The following SLC44A1 variants were observed in gnomAD, a reference collection of about 807,000 sequenced individuals.
SLC44A1 encodes the protein choline transporter-like protein 1.
In SLC44A1, 26 loss-of-function variants were observed where a neutral mutation model predicts 79.3. The observed-to-expected ratio is 0.33, with a 90% confidence interval of 0.24 to 0.46. The LOEUF is 0.46. Ranked by LOEUF, SLC44A1 falls within the 20% of genes least tolerant of loss-of-function variation. The pLI, the probability that SLC44A1 is intolerant of heterozygous loss-of-function variation, is 1.00. For missense variants in SLC44A1, 688 were observed against 798.1 expected (o/e 0.86, Z 1.66); for synonymous variants, 263 against 286.2 (o/e 0.92, Z 0.82).
Position 105,395,083 on chromosome 9 carries a change from T to A in SLC44A1, c.*6027T>A. On this transcript the variant is annotated 3_prime_UTR_variant, in exon 16 of 16. Transcript: ENST00000374720. ...AATTTGATCCCAGTGGCTCATGACTTATAGTCAGGCATCAAACCATTTCCT... is the reference window on the plus strand; with the variant it reads ...AATTTGATCCCAGTGGCTCATGACTAATAGTCAGGCATCAAACCATTTCCT... 1.0e-6 allele frequency: 1 copy of A among 985,442 alleles called. No individual in the cohort carries two copies. The highest frequency in any genetic ancestry group is 4.7e-5 in the South Asian group (1 of 21,290). 61.0% of individuals were successfully genotyped at this position (985,442 alleles called of 1,614,324 possible). A position where few individuals can be genotyped will look rare whatever the true frequency, so the allele number is the denominator to read the frequency against.
chr9:105,276,431 G>A (rs1172041264), intron 1 of SLC44A1, among the ~76,000 whole-genome samples: 1 of 152,072 alleles, frequency 6.6e-6, no homozygotes, highest in Admixed American at 6.5e-5. Flanking sequence ...ATGTACTGGG[G>A]ATACAGCAAA....
At chr9:105,300,045 AAC>A (rs1830836450) in intron 2 of SLC44A1, 1 of 529,062 alleles carries the variant, frequency 1.9e-6, no homozygotes, top group African/African-American at 2.1e-5. Flanking sequence ...GGCTGGAAAA[AAC>A]ATAGAAAACT....
intron 2 of SLC44A1, among the ~76,000 whole-genome samples, chr9:105,305,225 C>T (rs894329107): frequency 6.6e-6 from 1 of 151,754 alleles, no homozygotes; most frequent in East Asian, 1.9e-4. Context: ...CCACCTCAGC[C>T]TCCCAAAGTG....
In SLC44A1 at chr9:105,404,206, G is replaced by A. The variant is rs1375635872; in HGVS notation, c.1950+18704G>A. Reference sequence around the variant, plus strand: ...GCTAAGATTGTGCCACTGCACTCCAGCCTGGGTGACAGAGCAGGACTCATC... The same window carrying A: ...GCTAAGATTGTGCCACTGCACTCCAACCTGGGTGACAGAGCAGGACTCATC... On this transcript the variant is annotated intron_variant, in intron 15 of 15. Transcript: ENST00000374724. Among the ~76,000 whole-genome samples, 3 of 141,312 alleles carry A rather than the reference G, an allele frequency of 2.1e-5. No individual in the cohort carries two copies. In the East Asian group the frequency reaches 6.2e-4, roughly 29 times the overall value. The allele number at this position is 141,312 out of a possible 152,430, so 92.7% of individuals were successfully genotyped here. A position where few individuals can be genotyped will look rare whatever the true frequency, so the allele number is the denominator to read the frequency against.
At chr9:105,397,459 A>G, downstream of SLC44A1, 5 of 594,482 alleles carry the variant, frequency 8.4e-6, no homozygotes, top group Non-Finnish European at 1.1e-5. Flanking sequence ...GGTGCCCCAG[A>G]ATTTCCCAGC....
intron 1 of SLC44A1, among the ~76,000 whole-genome samples, chr9:105,252,363 A>G (rs961037839): frequency 6.6e-6 from 1 of 152,216 alleles, no homozygotes; most frequent in African/African-American, 2.4e-5. Context: ...TATTTGAATG[A>G]ATTAACAGAT....
chr9:105,247,238 G>C (rs747304893), intron 1 of SLC44A1, among the ~76,000 whole-genome samples: 2 of 152,018 alleles, frequency 1.3e-5, no homozygotes, highest in Non-Finnish European at 2.9e-5. Context: ...AACAAAATAG[G>C]GTTGCAACTC....
chr9:105,434,435 G>C (rs1829437875), intron 15 of SLC44A1, among the ~76,000 whole-genome samples: 1 of 152,160 alleles, frequency 6.6e-6, no homozygotes. Flanking sequence ...ATTCATAGAA[G>C]GGTTGAAAGA....
chr9:105,267,205 A>G (rs1829981691), intron 1 of SLC44A1, among the ~76,000 whole-genome samples: 1 of 152,182 alleles, frequency 6.6e-6, no homozygotes, highest in Non-Finnish European at 1.5e-5. Flanking sequence ...GAGTTGTTCC[A>G]TTGCCTTCTG....
intron 1 of SLC44A1, among the ~76,000 whole-genome samples, chr9:105,258,905 A>G (rs910084961): frequency 5.3e-5 from 8 of 150,802 alleles, no homozygotes; most frequent in Admixed American, 4.0e-4. Context: ...GGGTTTCACC[A>G]TGTTGGCCAG....
At chr9:105,252,459 C>T (rs547552447) in intron 1 of SLC44A1, among the ~76,000 whole-genome samples, 20 of 152,094 alleles carry the variant, frequency 1.3e-4, no homozygotes, top group Non-Finnish European at 2.6e-4. Context: ...AATTTTAAAA[C>T]GATTCTTCTT....
In SLC44A1 at chr9:105,393,427, A is replaced by G. The variant is rs536075963; in HGVS notation, c.*4371A>G. On this transcript the variant is annotated 3_prime_UTR_variant, in exon 16 of 16. Transcript: ENST00000374720. The stretch of plus-strand genomic sequence containing the variant: ...CAAAAATTACACGTCGTGTACAGTT[A>G]TGAATTTAGAATAGCACACTTTTTC... 11 of 985,232 alleles carry G rather than the reference A, an allele frequency of 1.1e-5. No individual in the cohort carries two copies. In the East Asian group the frequency reaches 1.2e-3, roughly 112 times the overall value. 61.0% of individuals were successfully genotyped at this position (985,232 alleles called of 1,614,324 possible).
chr9:105,332,270 C>A, intron 3 of SLC44A1, among the ~76,000 whole-genome samples: 1 of 151,932 alleles, frequency 6.6e-6, no homozygotes, highest in Non-Finnish European at 1.5e-5. Flanking sequence ...CAGGTGCCTG[C>A]CACCACACTC....
intron 8 of SLC44A1, 76 bp from the exon 9 acceptor site, chr9:105,362,745 T>C: frequency 9.0e-7 from 1 of 1,106,414 alleles, no homozygotes; most frequent in Non-Finnish European, 1.3e-6. Context: ...TGAAGGGTTA[T>C]GTTAAAAATT....
At chr9:105,369,662 A>G (rs969761907) in intron 12 of SLC44A1, among the ~76,000 whole-genome samples, 2 of 152,166 alleles carry the variant, frequency 1.3e-5, no homozygotes, top group Admixed American at 6.5e-5. Context: ...CACATACCCT[A>G]TATTCCCTTA....
chr9:105,274,946 A>G (rs973299904), intron 1 of SLC44A1, among the ~76,000 whole-genome samples: 33 of 152,174 alleles, frequency 2.2e-4, no homozygotes, highest in Non-Finnish European at 2.1e-4. Context: ...CCTTGATCCT[A>G]TTGAAAAGTA....
chr9:105,364,677 CAGATG>C lies in SLC44A1; in HGVS notation c.1212_1216del (p.Gln404HisfsTer13), dbSNP rs753610123. The C allele has an allele frequency of 6.2e-7, 1 of 1,613,950 alleles. No individual in the cohort carries two copies. Among genetic ancestry groups the C allele is most frequent in the Non-Finnish European group, 8.5e-7 (1 of 1,179,934 alleles). ...CAGTGAATTTATTCTAGCATGTCAG[CAGATG>C]ACAGTGGCAGGAGCTGTGGTAACAT... On this transcript the variant is annotated frameshift_variant, in exon 10 of 16. Coordinates refer to ENST00000374720, the MANE Select transcript of SLC44A1 (RefSeq NM_080546.5). LOFTEE classifies it high-confidence loss of function.
At chr9:105,410,407 G>A (rs1367883323) in intron 15 of SLC44A1, among the ~76,000 whole-genome samples, 4 of 152,062 alleles carry the variant, frequency 2.6e-5, no homozygotes, top group African/African-American at 4.8e-5. Flanking sequence ...AACCCATAAC[G>A]AGCAAAGGAC....
chr9:105,296,858 T>C (rs1830736221), intron 1 of SLC44A1, among the ~76,000 whole-genome samples: 1 of 152,208 alleles, frequency 6.6e-6, no homozygotes, highest in South Asian at 2.1e-4. Context: ...CATAACAAAG[T>C]TTCCACAAAA....
Sources: gnomAD v4.1 joint callset for allele counts (sites outside exome capture counted in the v4.1 genomes callset) on GRCh38, gnomAD v4.1.1 for gene constraint, MANE v1.5 for transcripts, NCBI Gene and HGNC (gene_info 2026-07-23, HGNC 2026-07-21) for gene names.